Variants in SORCS1 observed in about 807,000 individuals in gnomAD.
The protein encoded by SORCS1 is sortilin related VPS10 domain containing receptor 1.
SORCS1 carries 60 observed loss-of-function variants against 146.1 expected under a neutral mutation model. That is an observed-to-expected ratio of 0.41 (90% CI 0.33 to 0.51). The LOEUF is 0.51. SORCS1 is among the 20% of genes least tolerant of loss of function. The pLI, the probability that SORCS1 is intolerant of heterozygous loss-of-function variation, is 0.21. For missense variants in SORCS1, 1,352 were observed against 1,487.6 expected (o/e 0.91, Z 1.50); for synonymous variants, 637 against 584.0 (o/e 1.09, Z -1.31).
chr10:107,099,379 A>G (rs1415163923), intron 1 of SORCS1, among the ~76,000 whole-genome samples: 2 of 152,206 alleles, frequency 1.3e-5, no homozygotes, highest in African/African-American at 4.8e-5. Context: ...GACCCTTTCC[A>G]TGAGCATTTC....
intron 10 of SORCS1, among the ~76,000 whole-genome samples, 158 bp from the exon 11 acceptor site, chr10:106,679,892 T>C (rs1852309744): frequency 6.6e-6 from 1 of 152,132 alleles, no homozygotes; most frequent in Non-Finnish European, 1.5e-5. Context: ...CCCAACATCT[T>C]CCATCCCCCA....
chr10:106,887,520 T>C (rs904957845), intron 2 of SORCS1, among the ~76,000 whole-genome samples: 2 of 152,088 alleles, frequency 1.3e-5, no homozygotes, highest in African/African-American at 4.8e-5. Context: ...GAGGTTGCAG[T>C]GAGCGGAGAT....
intron 18 of SORCS1, among the ~76,000 whole-genome samples, chr10:106,633,782 T>A (rs566779892): frequency 1.2e-4 from 18 of 152,314 alleles, no homozygotes; most frequent in African/African-American, 4.1e-4. Flanking sequence ...GCCTTTGATA[T>A]CAACATCTTT....
At chr10:106,896,132 G>A (rs1951465117) in intron 2 of SORCS1, among the ~76,000 whole-genome samples, 1 of 152,082 alleles carries the variant, frequency 6.6e-6, no homozygotes, top group African/African-American at 2.4e-5. Flanking sequence ...CAAATTCATA[G>A]AAATGAAAAG....
chr10:107,099,963 T>G (rs1224671901), intron 1 of SORCS1, among the ~76,000 whole-genome samples: 1 of 152,204 alleles, frequency 6.6e-6, no homozygotes. Flanking sequence ...ACCTCTAATT[T>G]TGTCGGAATC....
intron 2 of SORCS1, among the ~76,000 whole-genome samples, chr10:106,955,616 G>T (rs1450445672): frequency 1.3e-5 from 2 of 152,338 alleles, no homozygotes; most frequent in African/African-American, 4.8e-5. Flanking sequence ...AAAGATAAGG[G>T]TGTGCATGAG....
chr10:107,164,473 G>T lies in SORCS1; in HGVS notation c.54C>A (p.Leu18=), dbSNP rs1417292333. The change falls in exon 1 of 26, where the codon CTC becomes CTA. Residue 18 remains leucine, a synonymous_variant. Coordinates refer to ENST00000263054, the MANE Select transcript of SORCS1 (RefSeq NM_052918.5). This position sits in a 1 kb window ranked among gnomAD's most constrained non-coding sequence, Gnocchi z 6.8. ...GGSQARLSAL[L]AGAGLLILCA... The stretch of plus-strand genomic sequence containing the variant: ...AGAGGATCAAGAGCCCCGCGCCGGC[G>T]AGGAGCGCGCTCAGCCGGGCTTGGG... 2.9e-6 allele frequency: 4 copies of T among 1,363,950 alleles called. No individual in the cohort carries two copies. Among genetic ancestry groups the T allele is most frequent in the Non-Finnish European group, 3.8e-6 (4 of 1,066,320 alleles). 84.5% of individuals were successfully genotyped at this position (1,363,950 alleles called of 1,614,324 possible). A position where few individuals can be genotyped will look rare whatever the true frequency, so the allele number is the denominator to read the frequency against.
intron 2 of SORCS1, among the ~76,000 whole-genome samples, chr10:106,848,910 G>GGCCC (rs1235629447): frequency 1.3e-5 from 2 of 149,134 alleles, no homozygotes; most frequent in African/African-American, 4.9e-5. Flanking sequence ...GTTGAATATT[G>GGCCC]GCCCCCACTC....
At chr10:106,806,014 C>A (rs1241874836) in intron 3 of SORCS1, among the ~76,000 whole-genome samples, 1 of 142,862 alleles carries the variant, frequency 7.0e-6, no homozygotes, top group Non-Finnish European at 1.5e-5. Flanking sequence ...GAGCCGAGAT[C>A]GCACCACTGC....
At chr10:107,116,152 C>T (rs1037704689) in intron 1 of SORCS1, among the ~76,000 whole-genome samples, 1 of 152,020 alleles carries the variant, frequency 6.6e-6, no homozygotes, top group African/African-American at 2.4e-5. Flanking sequence ...AAACGCTTGT[C>T]CACTGTTGAT....
intron 2 of SORCS1, among the ~76,000 whole-genome samples, chr10:106,894,380 CT>C (rs1227904696): frequency 6.6e-6 from 1 of 151,290 alleles, no homozygotes; most frequent in Non-Finnish European, 1.5e-5. Context: ...GGGTAGAAAA[CT>C]TTTTTTTCTT....
chr10:106,597,407 T>G lies in SORCS1; in HGVS notation c.3209A>C (p.His1070Pro). Residue 1070 changes from histidine to proline, a missense_variant, in exon 24 of 26, where the codon CAC becomes CCC. His to Pro is a moderately conservative substitution (Grantham distance 77, BLOSUM62 -2). Transcript: ENST00000263054. ...TCGGACTCCTGGCTTCAGCTCGAAG[T>G]GTACTGAGTTTTGGTTGAGCGTGTG... ...LIHTLNQNSV[H>P]FELKPGVRVL... 6.2e-7 allele frequency: 1 copy of G among 1,614,018 alleles called. No homozygotes were observed. Among genetic ancestry groups the G allele is most frequent in the East Asian group, 2.2e-5 (1 of 44,876 alleles).
chr10:106,701,845 G>C (rs1854162918), intron 8 of SORCS1, among the ~76,000 whole-genome samples: 1 of 152,162 alleles, frequency 6.6e-6, no homozygotes, highest in African/African-American at 2.4e-5. Context: ...CCCATGGAGT[G>C]GTGAGGATGA....
At chr10:106,947,394 C>T (rs576528901) in intron 2 of SORCS1, among the ~76,000 whole-genome samples, 2 of 151,884 alleles carry the variant, frequency 1.3e-5, no homozygotes, top group African/African-American at 2.4e-5. Flanking sequence ...CAACTCTTGA[C>T]GAAATGAACT....
intron 1 of SORCS1, among the ~76,000 whole-genome samples, chr10:107,079,901 G>A (rs1304273750): frequency 6.6e-6 from 1 of 152,118 alleles, no homozygotes; most frequent in Non-Finnish European, 1.5e-5. Flanking sequence ...CCTTCCTCAT[G>A]AGCAGCTCCC....
the SORCS1 span, among the ~76,000 whole-genome samples, chr10:107,170,352 G>A: frequency 6.6e-6 from 1 of 152,120 alleles, no homozygotes; most frequent in South Asian, 2.1e-4. Flanking sequence ...TTTCACTTTT[G>A]TTGCTTCAGG....
At chr10:107,132,506 A>G (rs1190711891) in intron 1 of SORCS1, among the ~76,000 whole-genome samples, 1 of 152,218 alleles carries the variant, frequency 6.6e-6, no homozygotes, top group Non-Finnish European at 1.5e-5. Context: ...GGTGGCAAGC[A>G]ATCTTTAGCA....
chr10:106,932,274 A>T (rs930962041), intron 2 of SORCS1, among the ~76,000 whole-genome samples: 40 of 152,098 alleles, frequency 2.6e-4, no homozygotes, highest in Non-Finnish European at 5.0e-4. Context: ...TGAAATTTTT[A>T]AAAAAACAAA....
At chr10:107,039,607 G>A (rs1035841479) in intron 1 of SORCS1, among the ~76,000 whole-genome samples, 27 of 152,108 alleles carry the variant, frequency 1.8e-4, no homozygotes, top group Middle Eastern at 3.2e-3. Flanking sequence ...GCTCCCCTGC[G>A]GGATCAGCTG....
Sources: allele counts gnomAD v4.1 joint callset (sites outside exome capture counted in the v4.1 genomes callset), GRCh38; gene constraint gnomAD v4.1.1; non-coding constraint Gnocchi (gnomAD v3.1); transcripts MANE v1.5; gene names NCBI Gene and HGNC (gene_info 2026-07-23, HGNC 2026-07-21).